The following PTCHD4 variants were observed in gnomAD, a reference collection of about 807,000 sequenced individuals.
PTCHD4 encodes the protein patched domain-containing protein 4.
In PTCHD4, 33 loss-of-function variants were observed where a neutral mutation model predicts 58.1. The observed-to-expected ratio is 0.57, with a 90% CI of 0.43 to 0.76. The LOEUF (loss-of-function observed/expected upper bound fraction) is 0.76, where lower values mean the gene tolerates loss of function less well. Among genes scored for constraint, PTCHD4 ranks in the 30% least tolerant of loss-of-function variants. The pLI is 0.00. For synonymous variants in PTCHD4, 478 were observed against 409.6 expected (o/e 1.17, Z -2.02); for missense variants, 1,058 against 1,027.1 (o/e 1.03, Z -0.41).
intron 3 of PTCHD4, among the ~76,000 whole-genome samples, chr6:48,058,443 GAC>G (rs1293748259): frequency 6.6e-6 from 1 of 152,194 alleles, no homozygotes; most frequent in East Asian, 1.9e-4. Flanking sequence ...AGATGACCGA[GAC>G]ACTGAGTCTG....
Position 47,892,438 on chromosome 6 carries a change from T to C in PTCHD4, c.899-12502A>G, listed in dbSNP as rs1229124944. On this transcript the variant is annotated intron_variant, in intron 4 of 4. Coordinates refer to ENST00000339488, the MANE Select transcript of PTCHD4 (RefSeq NM_001384253.1). Reference sequence around the variant, plus strand: ...TGCTGCCCGGTAAGATATGGTAAAATGTCATCACTTTAAAGTTTAATAACT... The same window carrying C: ...TGCTGCCCGGTAAGATATGGTAAAACGTCATCACTTTAAAGTTTAATAACT... Among the ~76,000 whole-genome samples the C allele has an allele frequency of 3.9e-5, 6 of 152,352 alleles. No individual in the cohort carries two copies. In the East Asian group the frequency reaches 9.6e-4, roughly 24 times the overall value.
At chr6:47,980,339 G>C (rs545276310) in intron 4 of PTCHD4, among the ~76,000 whole-genome samples, 1 of 151,758 alleles carries the variant, frequency 6.6e-6, no homozygotes, top group Admixed American at 6.6e-5. Context: ...TCTACTCCAC[G>C]TTGTACTTGG....
At position 48,065,213 on chromosome 6, in the gene PTCHD4, T is replaced by C. The variant is rs545451131; in HGVS notation, c.417+3017A>G. The stretch of plus-strand genomic sequence containing the variant: ...TCAGTGTTTACACATCTTCAGCCTG[T>C]CCCTAAGCACTGACCTGCTTCTTTA... On this transcript the variant is annotated intron_variant, in intron 3 of 4. Coordinates refer to ENST00000339488, the MANE Select transcript of PTCHD4 (RefSeq NM_001384253.1). 4.6e-5 allele frequency among the ~76,000 whole-genome samples: 7 copies of C among 152,330 alleles called. No homozygotes were observed. The South Asian group carries it at 1.4e-3, about 32-fold the overall frequency.
At chr6:47,969,737 C>G (rs1767431904) in intron 4 of PTCHD4, among the ~76,000 whole-genome samples, 1 of 152,090 alleles carries the variant, frequency 6.6e-6, no homozygotes, top group Non-Finnish European at 1.5e-5. Context: ...ATAAATAAAA[C>G]TTCAGGGCAT....
At chr6:48,006,370 T>A (rs1762438940) in intron 4 of PTCHD4, among the ~76,000 whole-genome samples, 1 of 152,190 alleles carries the variant, frequency 6.6e-6, no homozygotes, top group Non-Finnish European at 1.5e-5. Context: ...GAGGTAGTTT[T>A]TCTCTTTATT....
rs1449417712 is a variant in PTCHD4, at chr6:47,875,416, G to A, written c.*2887C>T. Among the ~76,000 whole-genome samples, 1 of 151,806 alleles carries A rather than the reference G, an allele frequency of 6.6e-6. No homozygotes were observed. The highest frequency in any genetic ancestry group is 2.4e-5 in the African/African-American group (1 of 41,366). ...CTTGGAAACATCTGTTTCACAGTGA[G>A]GTTGGGAGGTCAGACGATGCTCTGT... is the stretch of plus-strand genomic sequence containing the variant. On this transcript the variant is annotated 3_prime_UTR_variant, in exon 5 of 5. Transcript: ENST00000339488.
At chr6:48,030,276 C>A (rs1322639400) in intron 3 of PTCHD4, among the ~76,000 whole-genome samples, 2 of 152,044 alleles carry the variant, frequency 1.3e-5, no homozygotes, top group Non-Finnish European at 2.9e-5. Flanking sequence ...ACAAGGGTGA[C>A]TGTAGAGAGA....
intron 3 of PTCHD4, among the ~76,000 whole-genome samples, chr6:48,035,137 G>T (rs532808879): frequency 7.9e-5 from 12 of 152,022 alleles, no homozygotes; most frequent in Middle Eastern, 3.4e-3. Context: ...GATGAATAAG[G>T]CTCTCTTTAT....
Position 47,879,537 on chromosome 6 carries a change from T to C in PTCHD4, c.1298A>G (p.His433Arg). Reference sequence around the variant, plus strand: ...GTGGTGCTGGTAGGGGTTCGTCTCATGATGGGACGTCTGTTGATGCCCATC... The same window carrying C: ...GTGGTGCTGGTAGGGGTTCGTCTCACGATGGGACGTCTGTTGATGCCCATC... ...MSDGHQQTSHHETNPYQHHFI... is the reference protein window; with the variant it reads ...MSDGHQQTSHRETNPYQHHFI... The change falls in exon 5 of 5, where the codon CAT (histidine) becomes CGT (arginine). Residue 433 changes from histidine (H) to arginine (R), a missense_variant. By Grantham distance (29) the His-to-Arg change is conservative. Coordinates refer to ENST00000339488, the MANE Select transcript of PTCHD4 (RefSeq NM_001384253.1). The C allele has an allele frequency of 6.2e-7, 1 of 1,613,828 alleles. No homozygotes were observed. The highest frequency in any genetic ancestry group is 8.5e-7 in the Non-Finnish European group (1 of 1,179,786).
chr6:48,084,857 T>C (rs1365606835), intron 1 of PTCHD4, among the ~76,000 whole-genome samples: 1 of 151,638 alleles, frequency 6.6e-6, no homozygotes, highest in African/African-American at 2.4e-5. Context: ...TGTTCTTCTG[T>C]CTCAGCCTCC....
chr6:48,053,416 T>C (rs1382071928), intron 3 of PTCHD4, among the ~76,000 whole-genome samples: 2 of 152,140 alleles, frequency 1.3e-5, no homozygotes, highest in Non-Finnish European at 2.9e-5. Flanking sequence ...CATTAATAAA[T>C]TAGTTGCAAA....
chr6:47,955,345 A>C (rs1234256290), intron 4 of PTCHD4, among the ~76,000 whole-genome samples: 1 of 152,238 alleles, frequency 6.6e-6, no homozygotes, highest in Non-Finnish European at 1.5e-5. Context: ...GAATCAGAGA[A>C]AGAAAAAATA....
chr6:47,953,095 C>T (rs936430252), intron 4 of PTCHD4, among the ~76,000 whole-genome samples: 13 of 105,884 alleles, frequency 1.2e-4, no homozygotes, highest in Admixed American at 1.9e-4. Flanking sequence ...ATGATGATGA[C>T]GACACTATAA....
chr6:47,995,676 G>T (rs1768460697), intron 4 of PTCHD4, among the ~76,000 whole-genome samples: 2 of 152,126 alleles, frequency 1.3e-5, no homozygotes, highest in Admixed American at 1.3e-4. Context: ...GAATATCTTG[G>T]CATCTTACTT....
At chr6:47,945,452 C>G (rs1766378375) in intron 4 of PTCHD4, among the ~76,000 whole-genome samples, 1 of 151,974 alleles carries the variant, frequency 6.6e-6, no homozygotes, top group African/African-American at 2.4e-5. Flanking sequence ...CAGAGGTAAA[C>G]TCTCTCTTAA....
At chr6:48,095,444 G>A (rs1370871360) in intron 1 of PTCHD4, among the ~76,000 whole-genome samples, 5 of 152,200 alleles carry the variant, frequency 3.3e-5, no homozygotes, top group African/African-American at 1.2e-4. Flanking sequence ...AGCACTTTGG[G>A]AAGCCAAGGC....
chr6:48,042,809 T>C (rs1292944135), intron 3 of PTCHD4, among the ~76,000 whole-genome samples: 1 of 151,928 alleles, frequency 6.6e-6, no homozygotes, highest in Non-Finnish European at 1.5e-5. Flanking sequence ...TGAATAAATA[T>C]TACATCTATC....
At chr6:48,083,611 A>G (rs1765206779) in intron 1 of PTCHD4, among the ~76,000 whole-genome samples, 1 of 152,204 alleles carries the variant, frequency 6.6e-6, no homozygotes, top group Non-Finnish European at 1.5e-5. Flanking sequence ...TTTGAGACAG[A>G]GAACTTTCTG....
intron 4 of PTCHD4, among the ~76,000 whole-genome samples, chr6:48,007,655 C>T (rs1405378800): frequency 6.6e-6 from 1 of 152,166 alleles, no homozygotes; most frequent in African/African-American, 2.4e-5. Context: ...AATTAGTTCA[C>T]CAGCAGTTTT....
Sources: gnomAD v4.1 joint callset for allele counts (sites outside exome capture counted in the v4.1 genomes callset) on GRCh38, gnomAD v4.1.1 for gene constraint, MANE v1.5 for transcripts, NCBI Gene and HGNC (gene_info 2026-07-23, HGNC 2026-07-21) for gene names.